AASDHPPT: variants seen among roughly 807,000 people sequenced by gnomAD.
AASDHPPT encodes L-aminoadipate-semialdehyde dehydrogenase-phosphopantetheinyl transferase.
A neutral mutation model predicts 36.4 loss-of-function variants in AASDHPPT; 23 were observed. The observed-to-expected ratio is 0.63, with a 90% CI of 0.45 to 0.89. The LOEUF (loss-of-function observed/expected upper bound fraction) is 0.89. Ranked by LOEUF, AASDHPPT falls within the 40% of genes least tolerant of loss-of-function variation. The pLI is 0.00. For missense variants in AASDHPPT, 377 were observed against 378.2 expected, an observed-to-expected ratio of 1.00 and a Z score of 0.03; for synonymous variants, 115 against 128.0, an observed-to-expected ratio of 0.90 and a Z score of 0.68.
chr11:106,087,132 A>G (rs1861205984), intron 2 of AASDHPPT, among the ~76,000 whole-genome samples: 1 of 152,196 alleles, frequency 6.6e-6, no homozygotes, highest in South Asian at 2.1e-4. Context: ...GGTTGACGTT[A>G]TTTCAATCTA....
chr11:106,091,573 G>GTC, intron 4 of AASDHPPT, 96 bp downstream of exon 4: 1 of 1,253,308 alleles, frequency 8.0e-7, no homozygotes, highest in Non-Finnish European at 1.1e-6. Context: ...GAATTTGGAC[G>GTC]CAACTGAATC....
chr11:106,091,789 A>G (rs1861259419), intron 4 of AASDHPPT: 1 of 203,440 alleles, frequency 4.9e-6, no homozygotes, highest in African/African-American at 2.3e-5. Flanking sequence ...GAGAGATTCC[A>G]GATCAGGCTG....
chr11:106,083,937 CA>C (rs1214008943), intron 2 of AASDHPPT, among the ~76,000 whole-genome samples: 1 of 151,492 alleles, frequency 6.6e-6, no homozygotes, highest in Non-Finnish European at 1.5e-5. Context: ...AAAATATAAC[CA>C]AATACAAAAG....
At chr11:106,092,475 T>C (rs1243302004) in intron 4 of AASDHPPT, 1 of 152,222 alleles carries the variant, frequency 6.6e-6, no homozygotes, top group African/African-American at 2.4e-5. Context: ...AAAAAAATTA[T>C]AATCATAATG....
chr11:106,084,548 T>C (rs1861177815), intron 2 of AASDHPPT, among the ~76,000 whole-genome samples: 1 of 152,146 alleles, frequency 6.6e-6, no homozygotes, highest in Non-Finnish European at 1.5e-5. Context: ...TCTGCCTGCC[T>C]CAGCCTCCCA....
chr11:106,088,887 G>A (rs80317225), intron 2 of AASDHPPT, among the ~76,000 whole-genome samples: 18 of 152,084 alleles, frequency 1.2e-4, no homozygotes, highest in African/African-American at 3.4e-4. Context: ...CAACAGGATC[G>A]GCAGAAATAC....
At chr11:106,085,112 G>GT (rs1419408825) in intron 2 of AASDHPPT, among the ~76,000 whole-genome samples, 43 of 150,104 alleles carry the variant, frequency 2.9e-4, no homozygotes, top group African/African-American at 7.3e-4. Context: ...TGGTTTGTTT[G>GT]TTTTTTTTTG....
chr11:106,089,414 A>G (rs981420657), intron 2 of AASDHPPT: 9 of 152,060 alleles, frequency 5.9e-5, no homozygotes, highest in African/African-American at 2.2e-4. Flanking sequence ...TTTCTGGAAA[A>G]TAATGTAATA....
chr11:106,092,962 C>G (rs962876149), intron 4 of AASDHPPT: 3 of 152,128 alleles, frequency 2.0e-5, no homozygotes, highest in Non-Finnish European at 4.4e-5. Context: ...TATTTTCTTA[C>G]AGTGAGTTTA....
intron 4 of AASDHPPT, chr11:106,092,749 G>A (rs1314187543): frequency 2.0e-5 from 3 of 147,310 alleles, no homozygotes; most frequent in African/African-American, 2.5e-5. Flanking sequence ...CAGAACCCAC[G>A]CAACCATTCC....
At chr11:106,093,920 G>GC (rs1861282759) in intron 4 of AASDHPPT, 2 of 90,594 alleles carry the variant, frequency 2.2e-5, no homozygotes, top group South Asian at 8.9e-4. Flanking sequence ...GTTGCAACTT[G>GC]ATTTTTTTTT....
chr11:106,078,622 A>T (rs1348039268), intron 1 of AASDHPPT, among the ~76,000 whole-genome samples: 1 of 152,238 alleles, frequency 6.6e-6, no homozygotes, highest in East Asian at 1.9e-4. Flanking sequence ...TTCTGTTTGA[A>T]ATGTAGACTA....
intron 2 of AASDHPPT, among the ~76,000 whole-genome samples, chr11:106,088,050 G>A (rs537807984): frequency 1.3e-5 from 2 of 152,188 alleles, no homozygotes; most frequent in Admixed American, 6.5e-5. Context: ...CTGTGCTTTG[G>A]CCGAATATTT....
rs200243845 is a variant in AASDHPPT at position 106,077,699 on chromosome 11, C to T, written c.-12C>T. On this transcript the variant is annotated 5_prime_UTR_variant, in exon 1 of 6. Transcript: ENST00000278618. Reference sequence around the variant, plus strand: ...TCAGGCCCGAGATAGCGGCGAGGTCCGCTTTCAGTGTATGGTTTTCCCTGC... The same window carrying T: ...TCAGGCCCGAGATAGCGGCGAGGTCTGCTTTCAGTGTATGGTTTTCCCTGC... 6.2e-5 allele frequency: 99 copies of T among 1,606,786 alleles called. No individual in the cohort carries two copies. Among genetic ancestry groups the T allele is most frequent in the Non-Finnish European group, 7.5e-5 (88 of 1,174,388 alleles).
intron 2 of AASDHPPT, among the ~76,000 whole-genome samples, chr11:106,080,982 A>G (rs1249026953): frequency 6.6e-6 from 1 of 152,214 alleles, no homozygotes; most frequent in South Asian, 2.1e-4. Context: ...CCAGTAATGT[A>G]TCTCAGTTGA....
chr11:106,090,519 T>C (rs1043448775), intron 2 of AASDHPPT, 38 bp from the exon 3 acceptor site: 11 of 1,509,828 alleles, frequency 7.3e-6, no homozygotes, highest in Non-Finnish European at 8.9e-6. Context: ...TATTTTTTAA[T>C]AGAACTGCTA....
rs1861341846 is a variant in AASDHPPT, at chr11:106,098,412, C to A, written c.*1505C>A. 1 of 152,000 alleles carries A rather than the reference C, an allele frequency of 6.6e-6. No individual in the cohort carries two copies. Among genetic ancestry groups the A allele is most frequent in the Admixed American group, 6.6e-5 (1 of 15,248 alleles). The allele number at this position is 152,000 out of a possible 1,614,324, so 9.4% of individuals were successfully genotyped here. A position where few individuals can be genotyped will look rare whatever the true frequency, so the allele number is the denominator to read the frequency against. ...TTGTAGTGCATGTCTTGGAGTTAAA[C>A]TCTTAAGTATCAAGAAGTAAAATAA... On this transcript the variant is annotated 3_prime_UTR_variant, in exon 6 of 6. Coordinates refer to ENST00000278618, the MANE Select transcript of AASDHPPT (RefSeq NM_015423.3).
rs1303427149 is a variant in AASDHPPT at position 106,090,624 on chromosome 11, A to T, written c.477A>T (p.Thr159=). 1.2e-6 allele frequency: 2 copies of T among 1,602,366 alleles called. No homozygotes were observed. The highest frequency in any genetic ancestry group is 1.3e-5 in the African/African-American group (1 of 74,078). The change falls in exon 3 of 6, where the codon ACA becomes ACT. Residue 159 remains threonine, a synonymous_variant. Transcript: ENST00000278618. The part of the protein sequence containing the change: ...KRKFTNKEWE[T]IRSFKDEWTQ... ...AGTTTACCAACAAAGAATGGGAAAC[A>T]ATCAGAAGCTTTAAGGATGAGTGGA...
At chr11:106,096,312 C>A (rs1861312637) in intron 5 of AASDHPPT, among the ~76,000 whole-genome samples, 1 of 152,108 alleles carries the variant, frequency 6.6e-6, no homozygotes, top group East Asian at 1.9e-4. Flanking sequence ...AAGAAGTATA[C>A]ATCTCTGTAT....
Sources: allele counts gnomAD v4.1 joint callset (sites outside exome capture counted in the v4.1 genomes callset), GRCh38; gene constraint gnomAD v4.1.1; transcripts MANE v1.5; gene names NCBI Gene and HGNC (gene_info 2026-07-23, HGNC 2026-07-21).